Variants in KCNMA1 observed in about 807,000 individuals in gnomAD.
The protein encoded by KCNMA1 is potassium calcium-activated channel subfamily M alpha 1.
In KCNMA1, 29 loss-of-function variants were observed where a neutral mutation model predicts 140.0. That is an observed-to-expected ratio of 0.21 (90% confidence interval 0.15 to 0.28). KCNMA1 has a LOEUF of 0.28. Among genes scored for constraint, KCNMA1 ranks in the 10% least tolerant of loss-of-function variants. The pLI is 1.00. For synonymous variants in KCNMA1, 612 were observed against 611.9 expected (o/e 1.00, Z 0.00); for missense variants, 880 against 1,602.2 (o/e 0.55, Z 7.70).
chr10:77,032,458 A>G (rs2094000807), intron 15 of KCNMA1, among the ~76,000 whole-genome samples: 2 of 152,306 alleles, frequency 1.3e-5, no homozygotes, highest in South Asian at 2.1e-4. Flanking sequence ...ATGGGATAAA[A>G]TCAGCCATAA....
At chr10:77,486,557 C>G (rs1379505194) in intron 1 of KCNMA1, among the ~76,000 whole-genome samples, 1 of 152,226 alleles carries the variant, frequency 6.6e-6, no homozygotes, top group Non-Finnish European at 1.5e-5. Context: ...TGACCCTTTT[C>G]AATCTGTTCG....
chr10:77,609,752 TA>T (rs34258163), intron 1 of KCNMA1, among the ~76,000 whole-genome samples: 33,674 of 149,236 alleles, frequency 0.23, 3,948 homozygotes, highest in African/African-American at 0.28. Context: ...GTGTTCATTT[TA>T]AAAAAAAAAA....
At chr10:77,608,509 G>A (rs1277276887) in intron 1 of KCNMA1, among the ~76,000 whole-genome samples, 1 of 152,058 alleles carries the variant, frequency 6.6e-6, no homozygotes, top group Non-Finnish European at 1.5e-5. Context: ...CCTTCCCTGA[G>A]CCCCGGCCAA....
chr10:76,948,367 T>C (rs568461397), intron 22 of KCNMA1, among the ~76,000 whole-genome samples: 3 of 152,298 alleles, frequency 2.0e-5, no homozygotes, highest in Admixed American at 6.5e-5. Context: ...TAAGTGAGAT[T>C]TGCATGAATT....
At chr10:77,097,551 C>G (rs998672013) in intron 9 of KCNMA1, among the ~76,000 whole-genome samples, 3 of 152,110 alleles carry the variant, frequency 2.0e-5, no homozygotes, top group African/African-American at 7.2e-5. Context: ...CCTTTTAGAC[C>G]ATAGGCTTAT....
chr10:77,445,529 C>A (rs1417753262), intron 1 of KCNMA1, among the ~76,000 whole-genome samples: 1 of 152,128 alleles, frequency 6.6e-6, no homozygotes, highest in Non-Finnish European at 1.5e-5. Flanking sequence ...ATTAACCCTA[C>A]CTTTGAACAC....
Position 77,326,037 on chromosome 10 carries a change from C to T in KCNMA1, c.541-74781G>A, listed in dbSNP as rs547368075. On this transcript the variant is annotated intron_variant, in intron 2 of 27. Transcript: ENST00000286628. ...CCATTTCTAAGGACAGGAACCATGC[C>T]TCTTACCTCTGCACACCCTGTGCCT... Among the ~76,000 whole-genome samples the T allele has an allele frequency of 3.3e-5, 5 of 152,286 alleles. No homozygotes were observed. The South Asian group carries it at 1.0e-3, about 32-fold the overall frequency.
At chr10:77,353,651 C>T (rs2093153057) in intron 2 of KCNMA1, among the ~76,000 whole-genome samples, 1 of 151,820 alleles carries the variant, frequency 6.6e-6, no homozygotes, top group South Asian at 2.1e-4. Context: ...GAGGATTAAT[C>T]CTTACAACAA....
chr10:77,382,984 G>GTATATATATA (rs2095467214), intron 2 of KCNMA1, among the ~76,000 whole-genome samples: 1 of 89,598 alleles, frequency 1.1e-5, no homozygotes, highest in African/African-American at 7.4e-5. Context: ...GTGTGTGTGT[G>GTATATATATA]TGTGTGTGTG....
intron 1 of KCNMA1, chr10:77,587,849 A>G (rs1370020264): frequency 2.0e-6 from 2 of 985,430 alleles, no homozygotes; most frequent in African/African-American, 3.5e-5. Context: ...TCACGGCCCC[A>G]GTCTTCAGAT....
At chr10:76,946,984 G>A (rs906118424) in intron 22 of KCNMA1, among the ~76,000 whole-genome samples, 12 of 152,152 alleles carry the variant, frequency 7.9e-5, no homozygotes, top group Admixed American at 6.6e-5. Flanking sequence ...GGTTTGAAAT[G>A]ACCTGCAAAG....
chr10:77,631,371 TC>T (rs1163612692), intron 1 of KCNMA1, among the ~76,000 whole-genome samples: 7 of 152,066 alleles, frequency 4.6e-5, no homozygotes, highest in African/African-American at 1.7e-4. Flanking sequence ...CCCTGTCTGA[TC>T]CCCAGGGATG....
intron 1 of KCNMA1, among the ~76,000 whole-genome samples, chr10:77,579,225 G>T (rs150070165): frequency 6.6e-6 from 1 of 152,220 alleles, no homozygotes; most frequent in South Asian, 2.1e-4. Flanking sequence ...GGCATCTGCC[G>T]GCAGCTGGGA....
intron 3 of KCNMA1, among the ~76,000 whole-genome samples, chr10:77,236,441 G>T (rs2055488865): frequency 6.6e-6 from 1 of 152,126 alleles, no homozygotes; most frequent in Non-Finnish European, 1.5e-5. Flanking sequence ...TCAGAGGGAG[G>T]ATGGTCTTGG....
At chr10:77,044,174 T>C (rs1297099678) in intron 14 of KCNMA1, among the ~76,000 whole-genome samples, 1 of 152,142 alleles carries the variant, frequency 6.6e-6, no homozygotes, top group Admixed American at 6.5e-5. Flanking sequence ...CATTACATCA[T>C]AGTGCATCAC....
rs779059391 is a variant in KCNMA1, at chr10:76,944,981, A to G, written c.2710-16T>C. On this transcript the variant is annotated splice_polypyrimidine_tract_variant and intron_variant, in intron 22 of 27. Coordinates refer to ENST00000286628, the MANE Select transcript of KCNMA1 (RefSeq NM_001161352.2). ...ATGGCGTACCCTTTGGCATAGAGGA[A>G]AGAAAAAAAAACAGAGATGGGGGGA... The G allele has an allele frequency of 8.1e-6, 13 of 1,611,756 alleles. No individual in the cohort carries two copies. Among genetic ancestry groups the G allele is most frequent in the African/African-American group, 1.3e-5 (1 of 74,702 alleles).
intron 19 of KCNMA1, among the ~76,000 whole-genome samples, chr10:76,972,328 T>C (rs1333944200): frequency 6.6e-6 from 1 of 152,210 alleles, no homozygotes; most frequent in Non-Finnish European, 1.5e-5. Context: ...GGTCACCAGA[T>C]GCTACCATGG....
At chr10:76,911,817 T>A (rs1162283690) in intron 24 of KCNMA1, 1 of 152,260 alleles carries the variant, frequency 6.6e-6, no homozygotes, top group East Asian at 1.9e-4. Flanking sequence ...CTGTTTAGTC[T>A]TTCTGTTTTG....
At chr10:77,341,020 C>T (rs946629969) in intron 2 of KCNMA1, among the ~76,000 whole-genome samples, 1 of 152,140 alleles carries the variant, frequency 6.6e-6, no homozygotes, top group African/African-American at 2.4e-5. Context: ...CTCTGCCATG[C>T]TTTAGGTCCC....
Sources: gnomAD v4.1 joint callset for allele counts (sites outside exome capture counted in the v4.1 genomes callset) on GRCh38, gnomAD v4.1.1 for gene constraint, MANE v1.5 for transcripts, NCBI Gene and HGNC (gene_info 2026-07-23, HGNC 2026-07-21) for gene names.